The following TNXB variants were observed in gnomAD, a reference collection of about 807,000 sequenced individuals.
TNXB encodes the protein tenascin-X.
TNXB carries 183 observed loss-of-function variants against 340.5 expected under a neutral mutation model. The observed-to-expected ratio is 0.54, with a 90% CI of 0.48 to 0.61. The LOEUF (loss-of-function observed/expected upper bound fraction) is 0.61, where lower values mean the gene tolerates loss of function less well. Among genes scored for constraint, TNXB ranks in the 20% least tolerant of loss-of-function variants. The pLI, the probability that TNXB is intolerant of heterozygous loss-of-function variation, is 0.00. For synonymous variants in TNXB, 2,121 were observed against 2,314.5 expected (o/e 0.92, Z 2.40); for missense variants, 4,613 against 5,446.4 (o/e 0.85, Z 4.82).
rs1275520565 is a variant in TNXB, at chr6:32,051,565, G to T, written c.9115+1105C>A. On this transcript the variant is annotated intron_variant, in intron 26 of 43. Coordinates refer to ENST00000644971, the MANE Select transcript of TNXB (RefSeq NM_001365276.2). This position sits in a 1 kb window ranked among gnomAD's most constrained non-coding sequence, Gnocchi z 4.7. ...ATCAATGGATGAAAGGATGAGCAAA[G>T]TGTGGTCTGTATGTGTAAAACGAAA... Among the ~76,000 whole-genome samples the T allele has an allele frequency of 1.3e-5, 2 of 152,196 alleles. No homozygotes were observed. The highest frequency in any genetic ancestry group is 1.9e-4 in the East Asian group (1 of 5,202).
rs1275646193 is a variant in TNXB, at chr6:32,075,677, A to C, written c.4376-1725T>G. ...CTCAGGCAGGAGCTCTGCTTTATTC[A>C]CTGCTGTGTCCCAGTCCCTGGCACA... On this transcript the variant is annotated intron_variant, in intron 11 of 43. Coordinates refer to ENST00000644971, the MANE Select transcript of TNXB (RefSeq NM_001365276.2). The surrounding 1 kb of genome is among the most constrained non-coding windows in gnomAD (Gnocchi z 4.6). Among the ~76,000 whole-genome samples the C allele has an allele frequency of 6.6e-6, 1 of 152,160 alleles. No homozygotes were observed. Among genetic ancestry groups the C allele is most frequent in the Non-Finnish European group, 1.5e-5 (1 of 68,040 alleles).
At chr6:32,103,594 TCCCTCCAACCCACCAAACAGCTCCCTC>T (rs1225745711) in intron 1 of TNXB, among the ~76,000 whole-genome samples, 4 of 152,014 alleles carry the variant, frequency 2.6e-5, no homozygotes, top group Admixed American at 2.6e-4. Flanking sequence ...TCCACTCTAC[TCCCTCCAACCCACCAAACAGCTCCCTC>T]TAGGGCTTCC....
chr6:32,046,491 A>T lies in TNXB; in HGVS notation c.10325-35T>A. The stretch of plus-strand genomic sequence containing the variant: ...GGGAGGAGGGAAAGCTCTTAGTCAC[A>T]TGCTGCCTTTGCCTAAGCCCTGGCA... On this transcript the variant is annotated intron_variant, in intron 30 of 43. Coordinates refer to ENST00000644971, the MANE Select transcript of TNXB (RefSeq NM_001365276.2). The surrounding 1 kb of genome is among the most constrained non-coding windows in gnomAD (Gnocchi z 6.9). 6.6e-7 allele frequency: 1 copy of T among 1,523,854 alleles called. No homozygotes were observed. The highest frequency in any genetic ancestry group is 8.8e-7 in the Non-Finnish European group (1 of 1,131,902). 94.4% of individuals were successfully genotyped at this position (1,523,854 alleles called of 1,614,324 possible).
At position 32,052,787 on chromosome 6, in the gene TNXB, C is replaced by T; in HGVS notation, c.8998G>A (p.Gly3000Ser). ...DGRPQVVRVR[G>S]EESEVTVGGL... ...CCCACGGTGACCTCGCTCTCCTCGC[C>T]CCTGACACGCACCACCTGGGGCCGC... The change falls in exon 26 of 44, where the codon GGC becomes AGC. Residue 3000 changes from glycine (G) to serine (S), a missense_variant. Coordinates refer to ENST00000644971, the MANE Select transcript of TNXB (RefSeq NM_001365276.2). The surrounding 1 kb of genome is among the most constrained non-coding windows in gnomAD (Gnocchi z 4.7). 1 of 1,613,804 alleles carries T rather than the reference C, an allele frequency of 6.2e-7. No homozygotes were observed. The highest frequency in any genetic ancestry group is 2.2e-5 in the East Asian group (1 of 44,882).
rs1283292493 is a variant in TNXB, at chr6:32,097,252, G to A, written c.601C>T (p.Arg201Cys). The change falls in exon 3 of 44, where the codon CGT (arginine) becomes TGT (cysteine). Residue 201 changes from arginine to cysteine, a missense_variant. Coordinates refer to ENST00000644971, the MANE Select transcript of TNXB (RefSeq NM_001365276.2). The surrounding 1 kb of genome is among the most constrained non-coding windows in gnomAD (Gnocchi z 5.9). ...CNDQGRCVRG[R>C]CVCFPGYTGP... ...GTGTAGCCGGGAAAGCACACGCAACGACCACGGACACAGCGACCCTGATCA... is the reference window on the plus strand; with the variant it reads ...GTGTAGCCGGGAAAGCACACGCAACAACCACGGACACAGCGACCCTGATCA... 1.2e-6 allele frequency: 2 copies of A among 1,610,688 alleles called. No individual in the cohort carries two copies. The highest frequency in any genetic ancestry group is 1.7e-6 in the Non-Finnish European group (2 of 1,178,556).
At position 32,087,533 on chromosome 6, in the gene TNXB, G is replaced by T; in HGVS notation, c.2779+1252C>A. 2.2e-6 allele frequency: 1 copy of T among 461,726 alleles called. No homozygotes were observed. The highest frequency in any genetic ancestry group is 4.3e-6 in the Non-Finnish European group (1 of 232,170). 28.6% of individuals were successfully genotyped at this position (461,726 alleles called of 1,614,324 possible). ...TTGGGGTGGCGGGACGCAGCCACCC[G>T]GTCGACGCCTTCAGGCGAGAGGCCG... On this transcript the variant is annotated intron_variant, in intron 6 of 43. Transcript: ENST00000644971. The surrounding 1 kb of genome is among the most constrained non-coding windows in gnomAD (Gnocchi z 9.0).
At chr6:32,104,809 A>AT (rs1419610265) in intron 1 of TNXB, among the ~76,000 whole-genome samples, 4 of 150,826 alleles carry the variant, frequency 2.7e-5, no homozygotes, top group East Asian at 1.9e-4. Flanking sequence ...CTAATTTTTA[A>AT]TTTTTTTTGC....
chr6:32,056,132 T>A lies in TNXB; in HGVS notation c.8186A>T (p.Glu2729Val). Residue 2729 changes from glutamate to valine, a missense_variant, in exon 24 of 44, where the codon GAG becomes GTG. Physicochemically the swap from Glu to Val is moderately radical, Grantham distance 121 (BLOSUM62 -2). This residue lies in a region of TNXB where 4,327 missense variants were observed against 4,859.4 expected (regional missense o/e 0.89). Transcript: ENST00000644971. ...ETPSPTELST[E>V]APEPPEEPLL... ...CGGCTCCTCAGGGGGCTCCGGGGCC[T>A]CAGTGCTGAGTTCCGTGGGGCTGGG... The A allele has an allele frequency of 6.2e-7, 1 of 1,612,312 alleles. No individual in the cohort carries two copies. The highest frequency in any genetic ancestry group is 1.3e-5 in the African/African-American group (1 of 74,978).
Position 32,061,436 on chromosome 6 carries a change from C to T in TNXB, c.7453G>A (p.Gly2485Arg). 6.2e-7 allele frequency: 1 copy of T among 1,612,992 alleles called. No homozygotes were observed. ...GTGGACACCGGGCCCACGCGCCGCC[C>T]CTCGTGGAGGCCATACAGGTGCATC... ...YKMHLYGLHE[G>R]RRVGPVSTVG... Residue 2485 changes from glycine to arginine, a missense_variant, in exon 21 of 44, where the codon GGG becomes AGG. Coordinates refer to ENST00000644971, the MANE Select transcript of TNXB (RefSeq NM_001365276.2). The surrounding 1 kb of genome is among the most constrained non-coding windows in gnomAD (Gnocchi z 4.4).
At chr6:32,056,340 G>A (rs1777639844) in intron 23 of TNXB, among the ~76,000 whole-genome samples, 166 bp from the exon 24 acceptor site, 1 of 152,156 alleles carries the variant, frequency 6.6e-6, no homozygotes, top group South Asian at 2.1e-4. Context: ...TAACACACAT[G>A]ACAAGTTCCA....
At chr6:32,056,222 C>T in intron 23 of TNXB, 48 bp from the exon 24 acceptor site, 1 of 1,577,906 alleles carries the variant, frequency 6.3e-7, no homozygotes, top group Non-Finnish European at 8.6e-7. Context: ...GGGGGATGTG[C>T]TCAGGTCTTC....
Position 32,049,251 on chromosome 6 carries a change from G to A in TNXB, c.9757+19C>T. 2 of 1,602,020 alleles carry A rather than the reference G, an allele frequency of 1.2e-6. No homozygotes were observed. Among genetic ancestry groups the A allele is most frequent in the Non-Finnish European group, 1.7e-6 (2 of 1,172,634 alleles). ...CTGCAGAGGTAAACCTGGGGACGAG[G>A]GCCTGTCCCCCCACTCACCCGTGAT... On this transcript the variant is annotated intron_variant, in intron 28 of 43. Transcript: ENST00000644971. The surrounding 1 kb of genome is among the most constrained non-coding windows in gnomAD (Gnocchi z 4.5).
intron 4 of TNXB, among the ~76,000 whole-genome samples, chr6:32,094,821 T>C (rs1780240369): frequency 1.3e-5 from 2 of 152,138 alleles, no homozygotes; most frequent in African/African-American, 2.4e-5. Flanking sequence ...TGACCAACAA[T>C]GGACTGGACA....
At chr6:32,076,248 C>T (rs929807375) in intron 11 of TNXB, among the ~76,000 whole-genome samples, 2 of 152,130 alleles carry the variant, frequency 1.3e-5, no homozygotes, top group East Asian at 1.9e-4. Flanking sequence ...ACAATTATAA[C>T]GATTCATGAC....
At position 32,079,173 on chromosome 6, in the gene TNXB, C is replaced by T. The variant is rs773727721; in HGVS notation, c.4235G>A (p.Arg1412Gln). Residue 1412 changes from arginine to glutamine, a missense_variant, in exon 11 of 44, where the codon CGG (arginine) becomes CAG (glutamine). Transcript: ENST00000644971. This position sits in a 1 kb window ranked among gnomAD's most constrained non-coding sequence, Gnocchi z 7.1. ...GCCCCCAACACGCACCGCCCGGGGC[C>T]GCCCATCCCTGTCCTTGTACTGCAC... ...FTVQYKDRDG[R>Q]PRAVRVGGKE... 40 of 1,613,756 alleles carry T rather than the reference C, an allele frequency of 2.5e-5. No individual in the cohort carries two copies. The highest frequency in any genetic ancestry group is 3.1e-5 in the Non-Finnish European group (36 of 1,179,890).
In TNXB at chr6:32,068,402, C is replaced by A. The variant is rs374970674; in HGVS notation, c.6208G>T (p.Val2070Phe). 6.2e-7 allele frequency: 1 copy of A among 1,613,460 alleles called. No individual in the cohort carries two copies. Among genetic ancestry groups the A allele is most frequent in the Non-Finnish European group, 8.5e-7 (1 of 1,179,542 alleles). The change falls in exon 17 of 44, where the codon GTC becomes TTC. Residue 2070 changes from valine to phenylalanine, a missense_variant. By Grantham distance (50) the Val-to-Phe change is conservative (BLOSUM62 -1). This residue lies in a region of TNXB where 4,327 missense variants were observed against 4,859.4 expected (regional missense o/e 0.89). Transcript: ENST00000644971. The surrounding 1 kb of genome is among the most constrained non-coding windows in gnomAD (Gnocchi z 5.3). ...ATCATCCACTCACCTGTCACCCCGA[C>A]GACAGACACAGGGCCCATGCGCTGG... is the stretch of plus-strand genomic sequence containing the variant. ...GGQRMGPVSV[V>F]GVTAAEEETP...
Position 32,096,142 on chromosome 6 carries a change from C to T in TNXB, c.1711G>A (p.Asp571Asn). Residue 571 changes from aspartate to asparagine, a missense_variant, in exon 3 of 44, where the codon GAT (aspartate) becomes AAT (asparagine). Transcript: ENST00000644971. ...CCGTCCTCGCACACACACCGCCCAT[C>T]TAGGCACTGGCCGCGGCCTCGGCAG... ...GGCRGRGQCLDGRCVCEDGYS... is the reference protein window; with the variant it reads ...GGCRGRGQCLNGRCVCEDGYS... The T allele has an allele frequency of 1.3e-6, 2 of 1,596,712 alleles. No homozygotes were observed. The highest frequency in any genetic ancestry group is 1.7e-6 in the Non-Finnish European group (2 of 1,173,370).
Position 32,087,618 on chromosome 6 carries a change from G to A in TNXB, c.2779+1167C>T. On this transcript the variant is annotated intron_variant, in intron 6 of 43. Coordinates refer to ENST00000644971, the MANE Select transcript of TNXB (RefSeq NM_001365276.2). The surrounding 1 kb of genome is among the most constrained non-coding windows in gnomAD (Gnocchi z 9.0). ...CGGGATCAGGGCTGGCGGTGGGGCGGGGGTGGCGGGGCGGGGGTGCGGGGG... is the reference window on the plus strand; with the variant it reads ...CGGGATCAGGGCTGGCGGTGGGGCGAGGGTGGCGGGGCGGGGGTGCGGGGG... 2.5e-6 allele frequency: 1 copy of A among 396,062 alleles called. No homozygotes were observed. Among genetic ancestry groups the A allele is most frequent in the Non-Finnish European group, 5.1e-6 (1 of 197,122 alleles). 24.5% of individuals were successfully genotyped at this position (396,062 alleles called of 1,614,324 possible).
At position 32,108,587 on chromosome 6, in the gene TNXB, C is replaced by T. The variant is rs1781092361; in HGVS notation, c.-9+594G>A. On this transcript the variant is annotated intron_variant, in intron 1 of 43. Transcript: ENST00000644971. This position sits in a 1 kb window ranked among gnomAD's most constrained non-coding sequence, Gnocchi z 4.8. ...TCCCAGACCCGAGTCCTGACTGTCC[C>T]ATTTCAGTATTTCCTAAAGAGATCT... Among the ~76,000 whole-genome samples the T allele has an allele frequency of 6.6e-6, 1 of 152,108 alleles. No individual in the cohort carries two copies. Among genetic ancestry groups the T allele is most frequent in the Non-Finnish European group, 1.5e-5 (1 of 68,004 alleles).
Sources: allele counts gnomAD v4.1 joint callset (sites outside exome capture counted in the v4.1 genomes callset), GRCh38; gene constraint gnomAD v4.1.1; regional missense constraint gnomAD v4.1.1; non-coding constraint Gnocchi (gnomAD v3.1); transcripts MANE v1.5; gene names NCBI Gene and HGNC (gene_info 2026-07-23, HGNC 2026-07-21).